The following TMCO4 variants were observed in gnomAD, a reference collection of about 807,000 sequenced individuals.
TMCO4 encodes transmembrane and coiled-coil domains 4, also known as transmembrane and coiled-coil domain-containing protein 4.
TMCO4 carries 58 observed loss-of-function variants against 64.7 expected under a neutral mutation model. That is an observed-to-expected ratio of 0.90 (90% CI 0.73 to 1.12). The LOEUF (loss-of-function observed/expected upper bound fraction) is 1.12, where lower values mean the gene tolerates loss of function less well. Ranked by LOEUF, TMCO4 falls within the 50% of genes most tolerant of loss-of-function variation. The pLI, the probability that TMCO4 is intolerant of heterozygous loss-of-function variation, is 0.00. For missense variants in TMCO4, 780 were observed against 825.9 expected (o/e 0.94, Z 0.68); for synonymous variants, 325 against 346.1 (o/e 0.94, Z 0.68).
At chr1:19,758,178 A>C (rs1232281281) in intron 6 of TMCO4, among the ~76,000 whole-genome samples, 1 of 152,158 alleles carries the variant, frequency 6.6e-6, no homozygotes, top group Non-Finnish European at 1.5e-5. Context: ...CTGCAAAAGA[A>C]ATCAGTTCCT....
rs372922052 is a variant in TMCO4, at chr1:19,683,438, C to T, written c.1507G>A (p.Gly503Ser). 6.8e-6 allele frequency: 11 copies of T among 1,612,536 alleles called. No homozygotes were observed. The highest frequency in any genetic ancestry group is 4.5e-5 in the East Asian group (2 of 44,866). ...ATCTGCTTGGCATAGTCCAGGTGGC[C>T]GCTGACCTGCAGGAGACAGTGAGTG... ...ENVDLTSVVS[G>S]HLDYAKQMDA... The change falls in exon 16 of 16, where the codon GGC (glycine) becomes AGC (serine). Residue 503 changes from glycine (G) to serine (S), a missense_variant. Coordinates refer to ENST00000294543, the MANE Select transcript of TMCO4 (RefSeq NM_181719.7).
intron 8 of TMCO4, among the ~76,000 whole-genome samples, chr1:19,746,923 CAAAAAAAAA>C (rs199888917): frequency 2.0e-5 from 1 of 49,854 alleles, no homozygotes; most frequent in Non-Finnish European, 4.3e-5. Flanking sequence ...GATACTGTCT[CAAAAAAAAA>C]AAAAAAAAAA....
chr1:19,755,807 G>GT, intron 6 of TMCO4, 41 bp from the exon 7 acceptor site: 3 of 1,612,882 alleles, frequency 1.9e-6, no homozygotes, highest in Non-Finnish European at 2.5e-6. Flanking sequence ...ATCAGTTTAG[G>GT]TTTTAAGAAC....
intron 7 of TMCO4, among the ~76,000 whole-genome samples, chr1:19,751,980 G>A (rs962121002): frequency 6.6e-6 from 1 of 151,502 alleles, no homozygotes; most frequent in Non-Finnish European, 1.5e-5. Context: ...CCCAGGAGGC[G>A]GAGCTTGCAG....
At chr1:19,725,456 C>A (rs573334676) in intron 13 of TMCO4, among the ~76,000 whole-genome samples, 4 of 152,306 alleles carry the variant, frequency 2.6e-5, no homozygotes, top group South Asian at 4.2e-4. Flanking sequence ...TTTCCAACTA[C>A]TTAATTTTTC....
intron 7 of TMCO4, among the ~76,000 whole-genome samples, chr1:19,753,242 G>A (rs1401072456): frequency 6.6e-6 from 1 of 152,180 alleles, no homozygotes; most frequent in Admixed American, 6.5e-5. Flanking sequence ...TTACAGGTGT[G>A]AGCCACTGCG....
chr1:19,755,784 A>G lies in TMCO4; in HGVS notation c.383-18T>C, dbSNP rs1557575248. 1 of 1,613,836 alleles carries G rather than the reference A, an allele frequency of 6.2e-7. No homozygotes were observed. The highest frequency in any genetic ancestry group is 8.5e-7 in the Non-Finnish European group (1 of 1,179,898). On this transcript the variant is annotated intron_variant, in intron 6 of 15. Coordinates refer to ENST00000294543, the MANE Select transcript of TMCO4 (RefSeq NM_181719.7). Reference sequence around the variant, plus strand: ...ATAGTGCCCTCGAAAGACAGAAACAACACCGGAAAAGAATCAGTTTAGGTT... The same window carrying G: ...ATAGTGCCCTCGAAAGACAGAAACAGCACCGGAAAAGAATCAGTTTAGGTT...
intron 7 of TMCO4, among the ~76,000 whole-genome samples, chr1:19,753,521 A>G (rs143330724): frequency 2.2e-3 from 335 of 152,176 alleles, no homozygotes; most frequent in African/African-American, 7.6e-3. Flanking sequence ...GGTACGTCAC[A>G]CTCTAGACCT....
At chr1:19,741,546 C>A (rs563902795) in intron 10 of TMCO4, among the ~76,000 whole-genome samples, 1 of 152,168 alleles carries the variant, frequency 6.6e-6, no homozygotes, top group African/African-American at 2.4e-5. Flanking sequence ...AAATGACCCA[C>A]GGAAGGAGGA....
chr1:19,725,235 C>T (rs1434005835), intron 13 of TMCO4, among the ~76,000 whole-genome samples: 2 of 152,188 alleles, frequency 1.3e-5, no homozygotes, highest in East Asian at 1.9e-4. Flanking sequence ...AAGACACCTG[C>T]AGGCAGGCTG....
Position 19,694,441 on chromosome 1 carries a change from G to A in TMCO4, c.1493C>T (p.Thr498Ile). ...QDRRVENVDL[T>I]SVVSGHLDYA... The stretch of plus-strand genomic sequence containing the variant: ...GAACAGGCCGACACTCACCACAGAG[G>A]TCAGGTCCACGTTCTCCACCCTCCT... Residue 498 changes from threonine to isoleucine, a missense_variant, in exon 15 of 16, where the codon ACC becomes ATC. By Grantham distance (89) the Thr-to-Ile change is moderately conservative (BLOSUM62 -1). Coordinates refer to ENST00000294543, the MANE Select transcript of TMCO4 (RefSeq NM_181719.7). The A allele has an allele frequency of 1.2e-6, 2 of 1,613,854 alleles. No homozygotes were observed. The highest frequency in any genetic ancestry group is 1.7e-4 in the Middle Eastern group (1 of 6,060).
chr1:19,735,717 A>G (rs1385367771), intron 13 of TMCO4, among the ~76,000 whole-genome samples: 4 of 152,204 alleles, frequency 2.6e-5, no homozygotes, highest in African/African-American at 9.7e-5. Context: ...TGCCTGTACT[A>G]ACGATCTTAA....
In TMCO4 at chr1:19,743,712, T is replaced by C. The variant is rs2100864091; in HGVS notation, c.877+1820A>G. Among the ~76,000 whole-genome samples the C allele has an allele frequency of 6.6e-6, 1 of 152,326 alleles. No homozygotes were observed. Among genetic ancestry groups the C allele is most frequent in the East Asian group, 1.9e-4 (1 of 5,178 alleles). On this transcript the variant is annotated intron_variant, in intron 10 of 15. Coordinates refer to ENST00000294543, the MANE Select transcript of TMCO4 (RefSeq NM_181719.7). This position sits in a 1 kb window ranked among gnomAD's most constrained non-coding sequence, Gnocchi z 4.1. The stretch of plus-strand genomic sequence containing the variant: ...TTGCAAATTCCTTTACCTGGGCTCT[T>C]GTTCTTGCTCCTTCCTGTAGCACGG...
Position 19,743,746 on chromosome 1 carries a change from A to C in TMCO4, c.877+1786T>G, listed in dbSNP as rs2100864238. Among the ~76,000 whole-genome samples the C allele has an allele frequency of 6.6e-6, 1 of 152,298 alleles. No individual in the cohort carries two copies. The highest frequency in any genetic ancestry group is 6.5e-5 in the Admixed American group (1 of 15,298). On this transcript the variant is annotated intron_variant, in intron 10 of 15. Coordinates refer to ENST00000294543, the MANE Select transcript of TMCO4 (RefSeq NM_181719.7). This position sits in a 1 kb window ranked among gnomAD's most constrained non-coding sequence, Gnocchi z 4.1. ...TCCTTCCTGTAGCACGGTAAAATGA[A>C]AACAAATGAAAAACCCTGGGCATTG...
intron 14 of TMCO4, among the ~76,000 whole-genome samples, chr1:19,700,107 T>C (rs369167299): frequency 8.9e-4 from 136 of 152,298 alleles, no homozygotes; most frequent in Non-Finnish European, 1.5e-3. Flanking sequence ...TTGGGTTTAA[T>C]CTTCCCTCCT....
At chr1:19,744,731 C>T (rs1183239978) in intron 10 of TMCO4, among the ~76,000 whole-genome samples, 4 of 152,276 alleles carry the variant, frequency 2.6e-5, no homozygotes, top group East Asian at 3.9e-4. Flanking sequence ...CCTGGTTTAT[C>T]GGGCTAACTC....
chr1:19,695,911 C>T (rs551551723), intron 14 of TMCO4, among the ~76,000 whole-genome samples: 1 of 152,272 alleles, frequency 6.6e-6, no homozygotes, highest in East Asian at 1.9e-4. Flanking sequence ...GGTGCCTCCT[C>T]CCTATGGCCA....
intron 1 of TMCO4, among the ~76,000 whole-genome samples, chr1:19,798,553 A>G (rs1184948412): frequency 3.3e-5 from 5 of 152,190 alleles, no homozygotes; most frequent in African/African-American, 1.2e-4. Flanking sequence ...AACCTTGGAG[A>G]CAGGTCATTT....
chr1:19,690,788 T>C (rs2095186633), intron 15 of TMCO4, among the ~76,000 whole-genome samples: 1 of 151,942 alleles, frequency 6.6e-6, no homozygotes, highest in Non-Finnish European at 1.5e-5. Context: ...TCCCAATCTA[T>C]GATCTGGGGA....
Sources: allele counts gnomAD v4.1 joint callset (sites outside exome capture counted in the v4.1 genomes callset), GRCh38; gene constraint gnomAD v4.1.1; non-coding constraint Gnocchi (gnomAD v3.1); transcripts MANE v1.5; gene names NCBI Gene and HGNC (gene_info 2026-07-23, HGNC 2026-07-21).